Variants in BMPR1B observed in about 807,000 individuals in gnomAD.
The protein encoded by BMPR1B is bone morphogenetic protein receptor type-1B.
Under a neutral mutation model 59.1 loss-of-function variants are expected in BMPR1B, and 12 were observed. That is an observed-to-expected ratio of 0.20 (90% CI 0.13 to 0.33). BMPR1B has a LOEUF of 0.33. Ranked by LOEUF, BMPR1B falls within the 10% of genes least tolerant of loss-of-function variation. The pLI is 1.00. For synonymous variants in BMPR1B, 237 were observed against 207.3 expected (o/e 1.14, Z -1.23); for missense variants, 550 against 610.9 (o/e 0.90, Z 1.05).
intron 2 of BMPR1B, among the ~76,000 whole-genome samples, chr4:94,901,565 A>C (rs983492314): frequency 2.0e-5 from 3 of 152,004 alleles, no homozygotes; most frequent in African/African-American, 7.2e-5. Context: ...ATTCTTGACC[A>C]TGTATTCACT....
At chr4:95,090,989 T>C (rs1302065503) in intron 3 of BMPR1B, among the ~76,000 whole-genome samples, 2 of 152,118 alleles carry the variant, frequency 1.3e-5, no homozygotes, top group African/African-American at 2.4e-5. Flanking sequence ...TAAACCTCTT[T>C]AATGAAAGAT....
At chr4:94,970,305 T>TCTTCTCTTCTC (rs61339660) in intron 2 of BMPR1B, among the ~76,000 whole-genome samples, 2 of 123,064 alleles carry the variant, frequency 1.6e-5, no homozygotes, top group South Asian at 5.7e-4. Flanking sequence ...TCTTCTCTTC[T>TCTTCTCTTCTC]TTCTCTCTCT....
At chr4:94,789,182 T>G (rs1722874356) in intron 1 of BMPR1B, among the ~76,000 whole-genome samples, 1 of 152,210 alleles carries the variant, frequency 6.6e-6, no homozygotes, top group African/African-American at 2.4e-5. Flanking sequence ...GAGAAATGGT[T>G]CAGTGTTCTT....
intron 1 of BMPR1B, among the ~76,000 whole-genome samples, chr4:94,788,082 T>C (rs1010927218): frequency 1.3e-5 from 2 of 152,170 alleles, no homozygotes; most frequent in Non-Finnish European, 2.9e-5. Context: ...CTGCCATCAG[T>C]TACAGTGACC....
chr4:94,762,988 A>G (rs1311452994), intron 1 of BMPR1B, among the ~76,000 whole-genome samples: 1 of 151,884 alleles, frequency 6.6e-6, no homozygotes, highest in Non-Finnish European at 1.5e-5. Flanking sequence ...CCCAGATACC[A>G]CTTCTTTACT....
intron 2 of BMPR1B, among the ~76,000 whole-genome samples, chr4:94,936,509 GT>G (rs1371852320): frequency 6.6e-6 from 1 of 152,088 alleles, no homozygotes; most frequent in Non-Finnish European, 1.5e-5. Context: ...GTTGTTGGGG[GT>G]GAGGGGAGTG....
chr4:94,876,476 G>A (rs1234783551), intron 2 of BMPR1B, among the ~76,000 whole-genome samples: 2 of 152,168 alleles, frequency 1.3e-5, no homozygotes, highest in African/African-American at 4.8e-5. Flanking sequence ...TTTATAGTGT[G>A]CTACAGTGTT....
chr4:94,908,329 G>GT (rs58910361), intron 2 of BMPR1B, among the ~76,000 whole-genome samples: 10,767 of 145,156 alleles, frequency 0.074, 689 homozygotes, highest in African/African-American at 0.17. Context: ...ATTTGAAATT[G>GT]TTTTTTTTTT....
At chr4:94,918,773 T>G (rs1728582086) in intron 2 of BMPR1B, among the ~76,000 whole-genome samples, 1 of 152,208 alleles carries the variant, frequency 6.6e-6, no homozygotes, top group African/African-American at 2.4e-5. Flanking sequence ...GTTAATTCTC[T>G]TTAGTGTAAC....
chr4:95,036,253 G>A (rs1204787336), intron 3 of BMPR1B, among the ~76,000 whole-genome samples: 3 of 152,054 alleles, frequency 2.0e-5, no homozygotes, highest in Non-Finnish European at 4.4e-5. Flanking sequence ...ATTTTAAAAT[G>A]TATAATTAAA....
intron 1 of BMPR1B, among the ~76,000 whole-genome samples, chr4:94,785,932 G>A (rs1722747783): frequency 6.6e-6 from 1 of 152,126 alleles, no homozygotes; most frequent in East Asian, 1.9e-4. Context: ...TCTATATAGT[G>A]ACCTTTCCTG....
chr4:94,958,274 AC>A (rs1730230895), intron 2 of BMPR1B, among the ~76,000 whole-genome samples: 1 of 152,216 alleles, frequency 6.6e-6, no homozygotes, highest in African/African-American at 2.4e-5. Context: ...GTAAAGTATT[AC>A]ATAAGTAAGA....
At chr4:94,795,996 C>T (rs372083396) in intron 1 of BMPR1B, among the ~76,000 whole-genome samples, 5 of 151,608 alleles carry the variant, frequency 3.3e-5, no homozygotes, top group East Asian at 1.9e-4. Flanking sequence ...ATGGAGTCTC[C>T]GTCTGTCTCC....
At chr4:94,887,400 C>T (rs78115104) in intron 2 of BMPR1B, among the ~76,000 whole-genome samples, 1 of 117,252 alleles carries the variant, frequency 8.5e-6, no homozygotes, top group African/African-American at 3.2e-5. Flanking sequence ...CCCCACCCCC[C>T]ACCAAAAAAA....
chr4:94,796,288 AT>A (rs1427710871), intron 1 of BMPR1B, among the ~76,000 whole-genome samples: 1 of 152,194 alleles, frequency 6.6e-6, no homozygotes, highest in Non-Finnish European at 1.5e-5. Flanking sequence ...CCTTTAAAAA[AT>A]ACTATCTGAT....
chr4:94,780,766 G>C (rs1471830065), intron 1 of BMPR1B, among the ~76,000 whole-genome samples: 2 of 138,144 alleles, frequency 1.4e-5, no homozygotes, highest in African/African-American at 5.5e-5. Context: ...TCAGCTCACT[G>C]CAAGCTCCGC....
intron 11 of BMPR1B, among the ~76,000 whole-genome samples, chr4:95,150,454 G>GAA (rs67483429): frequency 7.6e-6 from 1 of 130,898 alleles, no homozygotes; most frequent in African/African-American, 2.8e-5. Context: ...TATTTAAAAA[G>GAA]AAAAAAAAAA....
At chr4:94,960,729 A>G (rs1187939056) in intron 2 of BMPR1B, among the ~76,000 whole-genome samples, 1 of 151,904 alleles carries the variant, frequency 6.6e-6, no homozygotes, top group Non-Finnish European at 1.5e-5. Flanking sequence ...ATATATATAT[A>G]TATATTTTAG....
chr4:95,136,950 T>G (rs1733840173), intron 10 of BMPR1B, among the ~76,000 whole-genome samples: 1 of 152,218 alleles, frequency 6.6e-6, no homozygotes, highest in African/African-American at 2.4e-5. Flanking sequence ...TGCCTTCTGC[T>G]AGCTTTTGAA....
Sources: allele counts gnomAD v4.1 joint callset (sites outside exome capture counted in the v4.1 genomes callset), GRCh38; gene constraint gnomAD v4.1.1; transcripts MANE v1.5; gene names NCBI Gene and HGNC (gene_info 2026-07-23, HGNC 2026-07-21).